The following TGFBR3 variants were observed in gnomAD, a reference collection of about 807,000 sequenced individuals.
The protein encoded by TGFBR3 is transforming growth factor beta receptor 3.
A neutral mutation model predicts 87.9 loss-of-function variants in TGFBR3; 46 were observed. That is an observed-to-expected ratio of 0.52 (90% confidence interval 0.41 to 0.67). TGFBR3 has a LOEUF of 0.67. TGFBR3 is among the 30% of genes least tolerant of loss of function. The pLI is 0.00. For missense variants in TGFBR3, 866 were observed against 1,041.9 expected (o/e 0.83, Z 2.32); for synonymous variants, 381 against 391.6 (o/e 0.97, Z 0.32).
At chr1:91,813,915 T>C (rs766646003) in intron 2 of TGFBR3, among the ~76,000 whole-genome samples, 5 of 152,206 alleles carry the variant, frequency 3.3e-5, no homozygotes, top group Non-Finnish European at 7.3e-5. Flanking sequence ...AGATCCTTCA[T>C]ATGCGCAGTT....
In TGFBR3 at chr1:91,792,157, A is replaced by T. The variant is rs529520599; in HGVS notation, c.246+5130T>A. On this transcript the variant is annotated intron_variant, in intron 3 of 16. Coordinates refer to ENST00000212355, the MANE Select transcript of TGFBR3 (RefSeq NM_003243.5). Reference sequence around the variant, plus strand: ...AAGCCTGGAGCCAAATTTCAAACACAATCATACCAACCACATAAACCCAAA... The same window carrying T: ...AAGCCTGGAGCCAAATTTCAAACACTATCATACCAACCACATAAACCCAAA... Among the ~76,000 whole-genome samples, 577 of 152,256 alleles carry T rather than the reference A, an allele frequency of 3.8e-3. 1 individual carries two copies. Among genetic ancestry groups the T allele is most frequent in the Non-Finnish European group, 6.3e-3 (427 of 68,020 alleles).
intron 10 of TGFBR3, 71 bp from the exon 11 acceptor site, chr1:91,716,779 C>G: frequency 1.3e-6 from 2 of 1,566,430 alleles, no homozygotes; most frequent in Non-Finnish European, 1.8e-6. Flanking sequence ...CTGCCTCACA[C>G]AAACACTCAT....
At chr1:91,826,671 G>A (rs373129618) in intron 2 of TGFBR3, among the ~76,000 whole-genome samples, 20 of 149,818 alleles carry the variant, frequency 1.3e-4, no homozygotes, top group African/African-American at 4.9e-4. Flanking sequence ...CCCTATGCCA[G>A]TAAAGCAAAC....
chr1:91,831,448 A>AT (rs17880659), intron 2 of TGFBR3, among the ~76,000 whole-genome samples: 49,684 of 152,116 alleles, frequency 0.33, 8,279 homozygotes, highest in Non-Finnish European at 0.36. Context: ...AAGGTTTACC[A>AT]TTCCCAGAAA....
chr1:91,685,534 G>T (rs902786371), intron 16 of TGFBR3, among the ~76,000 whole-genome samples: 3 of 152,076 alleles, frequency 2.0e-5, no homozygotes, highest in Non-Finnish European at 4.4e-5. Context: ...GTGTTAGCCA[G>T]GATGGTATCG....
chr1:91,762,543 G>A (rs1674010007), intron 3 of TGFBR3, among the ~76,000 whole-genome samples: 1 of 152,192 alleles, frequency 6.6e-6, no homozygotes, highest in African/African-American at 2.4e-5. Context: ...CGTGAAACCC[G>A]TACTTTGACC....
chr1:91,699,535 T>C (rs1671553162), intron 14 of TGFBR3, among the ~76,000 whole-genome samples: 1 of 141,494 alleles, frequency 7.1e-6, no homozygotes, highest in Admixed American at 7.9e-5. Flanking sequence ...CTTCCAGAAA[T>C]GTTTGGTGAA....
At chr1:91,742,765 T>G (rs886562176) in intron 4 of TGFBR3, among the ~76,000 whole-genome samples, 2 of 152,182 alleles carry the variant, frequency 1.3e-5, no homozygotes, top group African/African-American at 4.8e-5. Flanking sequence ...CCTGGGATGC[T>G]GAGGTGCACC....
intron 7 of TGFBR3, among the ~76,000 whole-genome samples, chr1:91,726,682 C>CATGA (rs906077446): frequency 4.0e-5 from 6 of 149,996 alleles, no homozygotes; most frequent in African/African-American, 1.5e-4. Context: ...TGGAAGGTGC[C>CATGA]ATGAATGAAT....
At position 91,818,277 on chromosome 1, in the gene TGFBR3, C is replaced by CTTTTTTTTTTTTT. The variant is rs1557726893; in HGVS notation, c.62-20807_62-20806insAAAAAAAAAAAAA. ...CTGCACCATTTCCCCTTAGCCCCAG[C>CTTTTTTTTTTTTT]CTTTTTTTTTTTTTTTTTTTTTTTT... On this transcript the variant is annotated intron_variant, in intron 2 of 16. Transcript: ENST00000212355. 1.6e-5 allele frequency among the ~76,000 whole-genome samples: 2 copies of CTTTTTTTTTTTTT among 123,142 alleles called. 1 individual carries two copies. The allele number at this position is 123,142 out of a possible 152,430, so 80.8% of individuals were successfully genotyped here.
At chr1:91,688,655 G>C (rs1049990244) in intron 16 of TGFBR3, among the ~76,000 whole-genome samples, 8 of 152,224 alleles carry the variant, frequency 5.3e-5, no homozygotes, top group Non-Finnish European at 1.0e-4. Context: ...AAATGCTGAA[G>C]TTTTGAATTA....
At chr1:91,701,018 C>T (rs1375679034) in intron 14 of TGFBR3, among the ~76,000 whole-genome samples, 3 of 152,166 alleles carry the variant, frequency 2.0e-5, no homozygotes, top group Non-Finnish European at 1.5e-5. Context: ...TAAACTTTCT[C>T]ACTCAGAATC....
At chr1:91,687,569 G>A (rs552573052) in intron 16 of TGFBR3, among the ~76,000 whole-genome samples, 3 of 152,262 alleles carry the variant, frequency 2.0e-5, no homozygotes, top group Non-Finnish European at 4.4e-5. Context: ...GGGGAAACAA[G>A]AGAAGAGTTA....
intron 1 of TGFBR3, among the ~76,000 whole-genome samples, chr1:91,903,081 C>T (rs1321610898): frequency 6.7e-6 from 1 of 150,276 alleles, no homozygotes; most frequent in African/African-American, 2.4e-5. Context: ...CCTGTAATCC[C>T]AGCACTTTGG....
upstream of TGFBR3, among the ~76,000 whole-genome samples, chr1:91,889,461 G>A (rs1679400978): frequency 6.6e-6 from 1 of 152,002 alleles, no homozygotes; most frequent in Admixed American, 6.6e-5. Context: ...GAGCTATTTA[G>A]TTTCAGTAGA....
intron 2 of TGFBR3, among the ~76,000 whole-genome samples, chr1:91,852,619 T>C (rs1378943088): frequency 6.6e-6 from 1 of 152,104 alleles, no homozygotes; most frequent in Non-Finnish European, 1.5e-5. Flanking sequence ...CAGGCTGGAG[T>C]GCAGTGGCGC....
At chr1:91,802,047 T>G (rs1675650008) in intron 2 of TGFBR3, among the ~76,000 whole-genome samples, 1 of 152,174 alleles carries the variant, frequency 6.6e-6, no homozygotes, top group Non-Finnish European at 1.5e-5. Flanking sequence ...GGTAGAGTAG[T>G]CCTCTCCTAA....
At chr1:91,898,058 GAAAT>G (rs1679589058) in intron 2 of TGFBR3, among the ~76,000 whole-genome samples, 1 of 134,942 alleles carries the variant, frequency 7.4e-6, no homozygotes, top group Non-Finnish European at 1.6e-5. Context: ...AAAAAAAAAA[GAAAT>G]AAAACATTAC....
chr1:91,875,139 G>A (rs1449159820), intron 1 of TGFBR3, among the ~76,000 whole-genome samples: 1 of 152,090 alleles, frequency 6.6e-6, no homozygotes, highest in Non-Finnish European at 1.5e-5. Flanking sequence ...TACCAAGATG[G>A]TAAGACTCAA....
Sources: gnomAD v4.1 joint callset for allele counts (sites outside exome capture counted in the v4.1 genomes callset) on GRCh38, gnomAD v4.1.1 for gene constraint, MANE v1.5 for transcripts, NCBI Gene and HGNC (gene_info 2026-07-23, HGNC 2026-07-21) for gene names.